The following MSI2 variants were observed in gnomAD, a reference collection of about 807,000 sequenced individuals.
MSI2 encodes the protein musashi RNA binding protein 2, also known as RNA-binding protein Musashi homolog 2.
In MSI2, 17 loss-of-function variants were observed where a neutral mutation model predicts 45.6. That is an observed-to-expected ratio of 0.37 (90% CI 0.26 to 0.56). The LOEUF (loss-of-function observed/expected upper bound fraction) is 0.56. Among genes scored for constraint, MSI2 ranks in the 20% least tolerant of loss-of-function variants. The pLI, the probability that MSI2 is intolerant of heterozygous loss-of-function variation, is 0.77. For missense variants in MSI2, 293 were observed against 444.2 expected (o/e 0.66, Z 3.06); for synonymous variants, 156 against 158.2 (o/e 0.99, Z 0.11).
chr17:57,376,943 C>T (rs71387499), intron 5 of MSI2, among the ~76,000 whole-genome samples: 16,631 of 134,724 alleles, frequency 0.12, 980 homozygotes, highest in African/African-American at 0.14. Context: ...TTTTTTGAGA[C>T]GGAGTCTCGC....
chr17:57,373,847 C>T (rs1439441041), intron 5 of MSI2, among the ~76,000 whole-genome samples: 1 of 152,218 alleles, frequency 6.6e-6, no homozygotes, highest in African/African-American at 2.4e-5. Flanking sequence ...CCTCCCTGGC[C>T]ATGTTGCCAG....
intron 5 of MSI2, among the ~76,000 whole-genome samples, chr17:57,339,832 T>C (rs995093420): frequency 4.6e-5 from 7 of 152,296 alleles, no homozygotes; most frequent in African/African-American, 1.7e-4. Context: ...TCCCATGGTC[T>C]GTGCTTAGGG....
At chr17:57,416,967 C>T (rs915526277) in intron 6 of MSI2, among the ~76,000 whole-genome samples, 1 of 152,120 alleles carries the variant, frequency 6.6e-6, no homozygotes, top group African/African-American at 2.4e-5. Context: ...GGTGCCCACC[C>T]ATGTGGGGCT....
chr17:57,631,945 G>C, intron 10 of MSI2: 1 of 1,497,354 alleles, frequency 6.7e-7, no homozygotes, highest in African/African-American at 1.4e-5. Flanking sequence ...GTCTGTCTTA[G>C]CTGCCTGTTT....
intron 5 of MSI2, among the ~76,000 whole-genome samples, chr17:57,337,594 C>T (rs1449910438): frequency 6.6e-6 from 1 of 152,130 alleles, no homozygotes; most frequent in Non-Finnish European, 1.5e-5. Flanking sequence ...GTCGTGTTTA[C>T]CACCTTGGCA....
chr17:57,633,299 G>A (rs986201708), intron 10 of MSI2: 19 of 562,100 alleles, frequency 3.4e-5, no homozygotes, highest in Non-Finnish European at 4.3e-5. Flanking sequence ...AAAAGCATGC[G>A]AACTCCCCCT....
intron 6 of MSI2, among the ~76,000 whole-genome samples, chr17:57,528,056 A>C (rs1417884737): frequency 6.6e-6 from 1 of 152,086 alleles, no homozygotes; most frequent in Non-Finnish European, 1.5e-5. Context: ...ACAGGCACAC[A>C]GTGAAATTGC....
chr17:57,513,469 G>A (rs963387637), intron 6 of MSI2, among the ~76,000 whole-genome samples: 2 of 152,184 alleles, frequency 1.3e-5, no homozygotes, highest in Non-Finnish European at 2.9e-5. Flanking sequence ...GGTGAGCTGG[G>A]ACCTGGGTCT....
intron 5 of MSI2, among the ~76,000 whole-genome samples, chr17:57,300,146 A>T (rs1448135300): frequency 6.6e-6 from 1 of 152,108 alleles, no homozygotes; most frequent in Non-Finnish European, 1.5e-5. Context: ...CTTGCCTGAG[A>T]TGGGCAGATG....
intron 5 of MSI2, chr17:57,265,581 A>G (rs952859782): frequency 5.3e-5 from 8 of 152,222 alleles, no homozygotes; most frequent in African/African-American, 1.9e-4. Context: ...TTTGAATCCT[A>G]CAGTTTATGT....
intron 9 of MSI2, chr17:57,618,087 T>TAATAATAATAAG: frequency 6.6e-6 from 1 of 150,506 alleles, no homozygotes; most frequent in Non-Finnish European, 1.5e-5. Context: ...ATAATAATAA[T>TAATAATAATAAG]AATAATAATA....
At chr17:57,410,710 T>G (rs935459176) in intron 6 of MSI2, among the ~76,000 whole-genome samples, 6 of 152,166 alleles carry the variant, frequency 3.9e-5, no homozygotes, top group African/African-American at 1.4e-4. Context: ...TTAGAGATTT[T>G]GGGTTGTCGA....
chr17:57,294,494 C>T (rs1473710837), intron 5 of MSI2, among the ~76,000 whole-genome samples: 1 of 152,114 alleles, frequency 6.6e-6, no homozygotes, highest in Non-Finnish European at 1.5e-5. Context: ...CCAAGTATAC[C>T]ATGCAAGAAT....
intron 6 of MSI2, among the ~76,000 whole-genome samples, chr17:57,404,973 A>G (rs747476556): frequency 1.3e-5 from 2 of 152,116 alleles, no homozygotes; most frequent in Non-Finnish European, 2.9e-5. Flanking sequence ...AACTGAGGTT[A>G]ACAGCTAACA....
chr17:57,262,091 A>G (rs1241685712), intron 4 of MSI2, 60 bp from the exon 5 acceptor site: 4 of 1,522,068 alleles, frequency 2.6e-6, no homozygotes, highest in East Asian at 2.2e-5. Context: ...TAGGTGATTA[A>G]TCATATATTT....
intron 6 of MSI2, among the ~76,000 whole-genome samples, chr17:57,412,466 G>T (rs979834788): frequency 3.9e-5 from 6 of 152,156 alleles, no homozygotes; most frequent in South Asian, 2.1e-4. Flanking sequence ...ATCAGTTCCT[G>T]GTCATTCTGG....
chr17:57,628,470 G>A (rs1323177952), intron 10 of MSI2: 1 of 152,290 alleles, frequency 6.6e-6, no homozygotes, highest in Non-Finnish European at 1.5e-5. Context: ...CTCTATGGCA[G>A]ACAGATCCTT....
chr17:57,485,715 G>A (rs769254794), intron 6 of MSI2, among the ~76,000 whole-genome samples: 2 of 152,202 alleles, frequency 1.3e-5, no homozygotes, highest in Non-Finnish European at 2.9e-5. Flanking sequence ...CCACAGGAGT[G>A]TGGTTCCATG....
chr17:57,664,919 G>A (rs1242024661), intron 11 of MSI2, among the ~76,000 whole-genome samples: 1 of 152,174 alleles, frequency 6.6e-6, no homozygotes, highest in African/African-American at 2.4e-5. Flanking sequence ...CTGTGCAGTG[G>A]CCAGGCTGCA....
Sources: allele counts gnomAD v4.1 joint callset (sites outside exome capture counted in the v4.1 genomes callset), GRCh38; gene constraint gnomAD v4.1.1; transcripts MANE v1.5; gene names NCBI Gene and HGNC (gene_info 2026-07-23, HGNC 2026-07-21).